The following DNAJC6 variants were observed in gnomAD, a reference collection of about 807,000 sequenced individuals.
DNAJC6 encodes the protein DnaJ heat shock protein family (Hsp40) member C6, also known as auxilin.
In DNAJC6, 34 loss-of-function variants were observed where a neutral mutation model predicts 110.0. The ratio of observed to expected loss-of-function variants is 0.31; its 90% CI spans 0.24 to 0.41. The LOEUF (loss-of-function observed/expected upper bound fraction) is 0.41, where lower values mean the gene tolerates loss of function less well. Among genes scored for constraint, DNAJC6 ranks in the 10% least tolerant of loss-of-function variants. DNAJC6 has a pLI of 1.00. For synonymous variants in DNAJC6, 406 were observed against 437.2 expected (o/e 0.93, Z 0.89); for missense variants, 1,031 against 1,207.8 (o/e 0.85, Z 2.17).
intron 16 of DNAJC6, 126 bp from the exon 17 acceptor site, chr1:65,408,515 A>C (rs1342400663): frequency 9.5e-7 from 1 of 1,054,516 alleles, no homozygotes; most frequent in Non-Finnish European, 1.4e-6. Context: ...CAGGGTAAGC[A>C]AGCATGAGGG....
intron 1 of DNAJC6, among the ~76,000 whole-genome samples, chr1:65,272,699 T>TG (rs56008835): frequency 0.73 from 110,006 of 151,460 alleles, 41,111 homozygotes; most frequent in East Asian, 0.98. Flanking sequence ...TTTTTGTTTG[T>TG]TTGTTTATTT....
chr1:65,329,422 G>C (rs749240220), intron 1 of DNAJC6, among the ~76,000 whole-genome samples: 1 of 152,114 alleles, frequency 6.6e-6, no homozygotes, highest in Non-Finnish European at 1.5e-5. Flanking sequence ...CTGACCCAGA[G>C]AGCATCTGGG....
intron 4 of DNAJC6, among the ~76,000 whole-genome samples, chr1:65,369,143 C>G (rs918417903): frequency 2.0e-5 from 3 of 152,074 alleles, no homozygotes; most frequent in Non-Finnish European, 2.9e-5. Flanking sequence ...CCAATTCTCT[C>G]TCCTAAAACA....
intron 4 of DNAJC6, 107 bp from the exon 5 acceptor site, chr1:65,379,295 A>G (rs1645795771): frequency 1.5e-6 from 2 of 1,370,610 alleles, no homozygotes; most frequent in African/African-American, 1.5e-5. Context: ...TATCTATATT[A>G]AGAGAGGATG....
At chr1:65,373,112 A>G (rs1163393458) in intron 4 of DNAJC6, among the ~76,000 whole-genome samples, 1 of 152,080 alleles carries the variant, frequency 6.6e-6, no homozygotes, top group African/African-American at 2.4e-5. Context: ...CTCCAGTTCC[A>G]TCCATGTTGC....
intron 1 of DNAJC6, among the ~76,000 whole-genome samples, chr1:65,356,500 G>A (rs1645544674): frequency 6.6e-6 from 1 of 151,676 alleles, no homozygotes; most frequent in African/African-American, 2.4e-5. Flanking sequence ...GGAGGTGGAG[G>A]TTGCAGTGAG....
intron 16 of DNAJC6, among the ~76,000 whole-genome samples, chr1:65,407,650 T>G (rs1416582187): frequency 6.6e-6 from 1 of 152,150 alleles, no homozygotes; most frequent in Non-Finnish European, 1.5e-5. Context: ...TCATGCCAAT[T>G]CCCCTCCATT....
intron 1 of DNAJC6, among the ~76,000 whole-genome samples, chr1:65,351,384 C>T (rs1645488510): frequency 6.6e-6 from 1 of 152,092 alleles, no homozygotes; most frequent in South Asian, 2.1e-4. Flanking sequence ...AGTAAAGACC[C>T]CAGATAATTC....
At chr1:65,345,322 A>T (rs960243224) in intron 1 of DNAJC6, among the ~76,000 whole-genome samples, 1 of 151,922 alleles carries the variant, frequency 6.6e-6, no homozygotes, top group African/African-American at 2.4e-5. Flanking sequence ...GAAGGTAGGC[A>T]TGCATAGGCA....
chr1:65,303,564 CTT>C lies in DNAJC6; in HGVS notation c.-131+38643_-131+38644del, dbSNP rs34848110. Among the ~76,000 whole-genome samples, 304 of 148,604 alleles carry C rather than the reference CTT, an allele frequency of 2.0e-3. 2 individuals carry two copies. Among genetic ancestry groups the C allele is most frequent in the African/African-American group, 5.4e-3 (220 of 40,612 alleles). On this transcript the variant is annotated intron_variant, in intron 1 of 19. Coordinates refer to the DNAJC6 transcript ENST00000263441. ...CATGCGCCTCATTTGATTCTCTCTT[CTT>C]TTTTTTTTTTGAGACGGAGTCTCCC...
chr1:65,358,580 A>G (rs754216707), intron 1 of DNAJC6, among the ~76,000 whole-genome samples: 12 of 152,206 alleles, frequency 7.9e-5, no homozygotes, highest in Non-Finnish European at 1.6e-4. Flanking sequence ...TGTTTATTAT[A>G]TCCTCTGAAT....
At chr1:65,286,627 C>T (rs1654028599) in intron 1 of DNAJC6, among the ~76,000 whole-genome samples, 3 of 152,128 alleles carry the variant, frequency 2.0e-5, no homozygotes, top group South Asian at 2.1e-4. Flanking sequence ...CAGAAGACTA[C>T]AACAGAAAAG....
At chr1:65,335,532 T>G (rs920650956) in intron 1 of DNAJC6, among the ~76,000 whole-genome samples, 7 of 151,872 alleles carry the variant, frequency 4.6e-5, no homozygotes, top group Non-Finnish European at 1.0e-4. Context: ...TCATATAGGG[T>G]GATCAGGAAA....
Position 65,345,990 on chromosome 1 carries a change from A to G in DNAJC6, c.194-18645A>G, listed in dbSNP as rs533108318. 3.9e-5 allele frequency among the ~76,000 whole-genome samples: 6 copies of G among 152,282 alleles called. No individual in the cohort carries two copies. The South Asian group carries it at 1.0e-3, about 26-fold the overall frequency. ...GCCCTAGAGACCAGTGAAACAGAGG[A>G]GTAGCAGGTTCTCTTTGTACTTAGG... On this transcript the variant is annotated intron_variant, in intron 1 of 18. Coordinates refer to ENST00000371069, the MANE Select transcript of DNAJC6 (RefSeq NM_001256864.2).
chr1:65,365,813 A>G (rs1463310188), intron 2 of DNAJC6, 72 bp from the exon 3 acceptor site: 1 of 1,537,506 alleles, frequency 6.5e-7, no homozygotes, highest in Non-Finnish European at 8.9e-7. Flanking sequence ...CATATGCGCA[A>G]GTGATTGAGA....
At chr1:65,267,370 T>A (rs949734878) in intron 1 of DNAJC6, among the ~76,000 whole-genome samples, 5 of 152,214 alleles carry the variant, frequency 3.3e-5, no homozygotes, top group African/African-American at 9.7e-5. Context: ...ACTAGATTCC[T>A]GTTTTTCAGA....
At chr1:65,333,872 T>A (rs1348532099) in intron 1 of DNAJC6, among the ~76,000 whole-genome samples, 1 of 152,180 alleles carries the variant, frequency 6.6e-6, no homozygotes, top group East Asian at 1.9e-4. Flanking sequence ...TATTAAGGAT[T>A]TGTAGGTTGT....
chr1:65,336,972 C>T (rs749979940), intron 1 of DNAJC6, among the ~76,000 whole-genome samples: 1 of 151,860 alleles, frequency 6.6e-6, no homozygotes, highest in Non-Finnish European at 1.5e-5. Context: ...AGTTTCTTCT[C>T]TATGTCTCTT....
At chr1:65,317,201 A>G (rs2101395795) in intron 1 of DNAJC6, among the ~76,000 whole-genome samples, 1 of 152,364 alleles carries the variant, frequency 6.6e-6, no homozygotes, top group Admixed American at 6.5e-5. Context: ...GAGATGGATG[A>G]AGAATGCTGG....
Sources: allele counts gnomAD v4.1 joint callset (sites outside exome capture counted in the v4.1 genomes callset), GRCh38; gene constraint gnomAD v4.1.1; transcripts MANE v1.5; gene names NCBI Gene and HGNC (gene_info 2026-07-23, HGNC 2026-07-21).